The following EXT1 variants were observed in gnomAD, a reference collection of about 807,000 sequenced individuals.
The protein encoded by EXT1 is exostosin glycosyltransferase 1, also known as exostosin-1.
In EXT1, 20 loss-of-function variants were observed where a neutral mutation model predicts 82.5. The ratio of observed to expected loss-of-function variants is 0.24; its 90% CI spans 0.17 to 0.35. The LOEUF (loss-of-function observed/expected upper bound fraction) is 0.35. Among genes scored for constraint, EXT1 ranks in the 10% least tolerant of loss-of-function variants. EXT1 has a pLI of 1.00. For synonymous variants in EXT1, 348 were observed against 350.8 expected (o/e 0.99, Z 0.09); for missense variants, 757 against 936.5 (o/e 0.81, Z 2.50).
Position 118,106,907 on chromosome 8 carries a change from A to G in EXT1, c.962+3178T>C, listed in dbSNP as rs561091815. On this transcript the variant is annotated intron_variant, in intron 1 of 10. Coordinates refer to ENST00000378204, the MANE Select transcript of EXT1 (RefSeq NM_000127.3). The stretch of plus-strand genomic sequence containing the variant: ...ATAATTACAGCTATCATAAAAATTG[A>G]TATTTTAATATAATCCTGAACGTCT... 5.3e-5 allele frequency among the ~76,000 whole-genome samples: 8 copies of G among 152,368 alleles called. No homozygotes were observed. The East Asian group carries it at 1.5e-3, about 29-fold the overall frequency.
In EXT1 at chr8:118,110,711, G is replaced by A; in HGVS notation, c.336C>T (p.Asn112=). ...GTGGGTATACGTAGACTTTGAAGCC[G>A]TTTTTCTTGCAAAGGGTGAAATCGA... The part of the protein sequence containing the change: ...SCFDFTLCKK[N]GFKVYVYPQQ... The change falls in exon 1 of 11, where the codon AAC becomes AAT. Residue 112 remains asparagine, a synonymous_variant. Transcript: ENST00000378204. 1 of 1,614,144 alleles carries A rather than the reference G, an allele frequency of 6.2e-7. No individual in the cohort carries two copies. Among genetic ancestry groups the A allele is most frequent in the Non-Finnish European group, 8.5e-7 (1 of 1,180,048 alleles).
At chr8:117,813,228 C>T (rs745883743) in intron 7 of EXT1, among the ~76,000 whole-genome samples, 1 of 152,182 alleles carries the variant, frequency 6.6e-6, no homozygotes, top group Admixed American at 6.5e-5. Flanking sequence ...TTGAAGAGTT[C>T]ATGGTCTGTA....
chr8:117,887,243 C>T (rs1014328453), intron 1 of EXT1, among the ~76,000 whole-genome samples: 4 of 152,152 alleles, frequency 2.6e-5, no homozygotes, highest in East Asian at 3.8e-4. Context: ...ATAGTATTTA[C>T]GTGACTCTGA....
At chr8:118,052,935 G>A (rs1265714216) in intron 1 of EXT1, among the ~76,000 whole-genome samples, 2 of 152,296 alleles carry the variant, frequency 1.3e-5, no homozygotes, top group East Asian at 3.9e-4. Context: ...CTAGACTGTT[G>A]CAGTGTTGGG....
At position 117,818,484 on chromosome 8, in the gene EXT1, C is replaced by CGGT; in HGVS notation, c.1580_1582dup (p.His527dup). 2 of 1,614,006 alleles carry CGGT rather than the reference C, an allele frequency of 1.2e-6. No individual in the cohort carries two copies. Among genetic ancestry groups the CGGT allele is most frequent in the Non-Finnish European group, 1.7e-6 (2 of 1,180,002 alleles). ...GACAGGCACAGCAGTGGCAGGCCAGCGGTGTTTGGCTGGTAGGGGCTTGTC... is the reference window on the plus strand; with the variant it reads ...GACAGGCACAGCAGTGGCAGGCCAGCGGTGGTGTTTGGCTGGTAGGGGCTTGTC... On this transcript the variant is annotated inframe_insertion, in exon 7 of 11. Coordinates refer to ENST00000378204, the MANE Select transcript of EXT1 (RefSeq NM_000127.3).
intron 1 of EXT1, among the ~76,000 whole-genome samples, chr8:118,082,849 C>T (rs926219919): frequency 3.3e-5 from 5 of 152,148 alleles, no homozygotes; most frequent in African/African-American, 1.2e-4. Context: ...TAATTTCCCT[C>T]ACTCATTCTA....
At chr8:117,821,104 G>A (rs1563570885) in intron 5 of EXT1, among the ~76,000 whole-genome samples, 1 of 152,206 alleles carries the variant, frequency 6.6e-6, no homozygotes, top group Non-Finnish European at 1.5e-5. Flanking sequence ...TGGCTTAACT[G>A]CGAGCAACAC....
At chr8:117,842,130 A>C (rs143408684) in intron 1 of EXT1, among the ~76,000 whole-genome samples, 1 of 152,348 alleles carries the variant, frequency 6.6e-6, no homozygotes, top group African/African-American at 2.4e-5. Context: ...CACCATAGTT[A>C]AGAGCTTAGT....
At chr8:118,067,298 T>C (rs957783528) in intron 1 of EXT1, among the ~76,000 whole-genome samples, 2 of 152,238 alleles carry the variant, frequency 1.3e-5, no homozygotes, top group Non-Finnish European at 1.5e-5. Context: ...CAACACTGTG[T>C]CTGGCTCATA....
At chr8:117,941,833 G>A (rs113695848) in intron 1 of EXT1, among the ~76,000 whole-genome samples, 6 of 152,332 alleles carry the variant, frequency 3.9e-5, no homozygotes, top group African/African-American at 1.4e-4. Context: ...TCCAGTTTAA[G>A]ACCTACAGGC....
At chr8:117,983,397 T>C (rs1486212485) in intron 1 of EXT1, among the ~76,000 whole-genome samples, 1 of 146,304 alleles carries the variant, frequency 6.8e-6, no homozygotes, top group Non-Finnish European at 1.5e-5. Flanking sequence ...GGTGAGAAGA[T>C]TGCTTGAGCC....
At chr8:117,967,281 G>A (rs1422279420) in intron 1 of EXT1, among the ~76,000 whole-genome samples, 1 of 152,210 alleles carries the variant, frequency 6.6e-6, no homozygotes, top group Non-Finnish European at 1.5e-5. Context: ...CTGAATGTCT[G>A]AGGAAGGAGA....
intron 1 of EXT1, among the ~76,000 whole-genome samples, chr8:117,915,595 C>T (rs560699575): frequency 6.6e-6 from 1 of 152,256 alleles, no homozygotes; most frequent in South Asian, 2.1e-4. Flanking sequence ...TGGCTTATGC[C>T]TGTAATCCCA....
chr8:118,012,306 T>C (rs1030505439), intron 1 of EXT1, among the ~76,000 whole-genome samples: 3 of 152,234 alleles, frequency 2.0e-5, no homozygotes, highest in African/African-American at 7.2e-5. Context: ...CAGAGTTTCT[T>C]CCACGGGGCT....
At chr8:117,868,774 G>A (rs936580061) in intron 1 of EXT1, among the ~76,000 whole-genome samples, 1 of 152,148 alleles carries the variant, frequency 6.6e-6, no homozygotes, top group East Asian at 1.9e-4. Flanking sequence ...GAGGTAGGTA[G>A]AGGCTATATA....
intron 1 of EXT1, among the ~76,000 whole-genome samples, chr8:117,905,921 C>T (rs971367643): frequency 6.6e-6 from 1 of 152,252 alleles, no homozygotes; most frequent in African/African-American, 2.4e-5. Flanking sequence ...AAAAATCCAT[C>T]ACTTCCAAGC....
chr8:117,994,744 T>C (rs530134916), intron 1 of EXT1, among the ~76,000 whole-genome samples: 1 of 152,338 alleles, frequency 6.6e-6, no homozygotes, highest in South Asian at 2.1e-4. Context: ...CAAGTCTAAT[T>C]TGCTAGAGAA....
intron 1 of EXT1, among the ~76,000 whole-genome samples, chr8:117,876,100 G>A (rs962733057): frequency 6.6e-6 from 1 of 152,154 alleles, no homozygotes; most frequent in African/African-American, 2.4e-5. Context: ...CTTGGCCTAG[G>A]GGCACTAAGA....
chr8:117,898,844 A>T (rs571235926), intron 1 of EXT1, among the ~76,000 whole-genome samples: 69 of 152,270 alleles, frequency 4.5e-4, no homozygotes, highest in East Asian at 3.3e-3. Flanking sequence ...AAATGAATGA[A>T]CACAGCTCTT....
Sources: gnomAD v4.1 joint callset for allele counts (sites outside exome capture counted in the v4.1 genomes callset) on GRCh38, gnomAD v4.1.1 for gene constraint, MANE v1.5 for transcripts, NCBI Gene and HGNC (gene_info 2026-07-23, HGNC 2026-07-21) for gene names.